The following RPS6KC1 variants were observed in gnomAD, a reference collection of about 807,000 sequenced individuals.
RPS6KC1 encodes ribosomal protein S6 kinase C1.
RPS6KC1 carries 54 observed loss-of-function variants against 103.8 expected under a neutral mutation model. The ratio of observed to expected loss-of-function variants is 0.52; its 90% CI spans 0.42 to 0.65. RPS6KC1 has a LOEUF of 0.65. Among genes scored for constraint, RPS6KC1 ranks in the 30% least tolerant of loss-of-function variants. The pLI is 0.00. For synonymous variants in RPS6KC1, 439 were observed against 438.7 expected (o/e 1.00, Z -0.01); for missense variants, 1,151 against 1,253.8 (o/e 0.92, Z 1.24).
intron 8 of RPS6KC1, among the ~76,000 whole-genome samples, chr1:213,214,059 G>T: frequency 6.6e-6 from 1 of 152,176 alleles, no homozygotes; most frequent in East Asian, 1.9e-4. Flanking sequence ...CACCGAGCAT[G>T]AGCCGAAGCA....
the RPS6KC1 span, among the ~76,000 whole-genome samples, chr1:213,633,868 G>C: frequency 1.3e-4 from 5 of 39,050 alleles, no homozygotes; most frequent in Non-Finnish European, 2.4e-4. Flanking sequence ...CCAAGCAAAT[G>C]GAAAGCAAAA....
At chr1:213,756,504 C>G in the RPS6KC1 span, among the ~76,000 whole-genome samples, 12 of 152,030 alleles carry the variant, frequency 7.9e-5, no homozygotes, top group Non-Finnish European at 1.6e-4. Flanking sequence ...TTGTGGCAAC[C>G]CTGTGTTGAA....
At chr1:213,328,526 A>ATATATC in the RPS6KC1 span, among the ~76,000 whole-genome samples, 1 of 94,336 alleles carries the variant, frequency 1.1e-5, no homozygotes, top group Non-Finnish European at 2.2e-5. Context: ...ATATATATAT[A>ATATATC]TATATATATA....
chr1:213,364,449 G>A, the RPS6KC1 span, among the ~76,000 whole-genome samples: 1 of 152,202 alleles, frequency 6.6e-6, no homozygotes, highest in African/African-American at 2.4e-5. Context: ...GAAGAGGTCA[G>A]AGAAGACTGG....
the RPS6KC1 span, among the ~76,000 whole-genome samples, chr1:213,452,960 A>G: frequency 6.6e-6 from 1 of 152,158 alleles, no homozygotes; most frequent in East Asian, 1.9e-4. Flanking sequence ...CAATCTGTCC[A>G]TGGATTACTA....
chr1:213,602,136 T>TCTCTCTCTCTC, the RPS6KC1 span, among the ~76,000 whole-genome samples: 137 of 73,466 alleles, frequency 1.9e-3, 2 homozygotes, highest in Non-Finnish European at 2.7e-3. Context: ...CTTTCTTTCT[T>TCTCTCTCTCTC]TCTTTCTTTC....
chr1:213,055,149 G>A (rs1176455103), intron 1 of RPS6KC1, among the ~76,000 whole-genome samples: 1 of 152,136 alleles, frequency 6.6e-6, no homozygotes, highest in East Asian at 1.9e-4. Flanking sequence ...TTTGACAAAT[G>A]TATACAGTTG....
chr1:213,482,589 G>T, the RPS6KC1 span, among the ~76,000 whole-genome samples: 2 of 94,206 alleles, frequency 2.1e-5, no homozygotes, highest in African/African-American at 8.1e-5. Context: ...TTGCTCTGTT[G>T]CCAGGCTGGA....
At chr1:213,152,272 C>T (rs187616824) in intron 6 of RPS6KC1, among the ~76,000 whole-genome samples, 6,170 of 143,038 alleles carry the variant, frequency 0.043, 222 homozygotes, top group African/African-American at 0.095. Context: ...GCTGGCCTGG[C>T]GGGGGGCTGA....
intron 3 of RPS6KC1, among the ~76,000 whole-genome samples, chr1:213,083,392 A>G (rs887799973): frequency 2.6e-5 from 4 of 152,130 alleles, no homozygotes; most frequent in Non-Finnish European, 5.9e-5. Context: ...GGACCCATTG[A>G]CTTCTTTGGG....
chr1:213,818,521 T>C, the RPS6KC1 span: 1 of 152,238 alleles, frequency 6.6e-6, no homozygotes, highest in African/African-American at 2.4e-5. Context: ...CCCATTTTAT[T>C]GCGGTATTAG....
chr1:213,216,008 G>A (rs1016339949), intron 8 of RPS6KC1, among the ~76,000 whole-genome samples: 3 of 152,124 alleles, frequency 2.0e-5, no homozygotes, highest in African/African-American at 4.8e-5. Context: ...ATAATGACAG[G>A]ATCAAATTCA....
the RPS6KC1 span, among the ~76,000 whole-genome samples, chr1:213,589,438 G>C: frequency 6.6e-6 from 1 of 152,196 alleles, no homozygotes; most frequent in South Asian, 2.1e-4. Context: ...TCAGGAGTTT[G>C]AGACCAGTCT....
chr1:213,084,633 T>TAAA (rs1393834112), intron 3 of RPS6KC1, among the ~76,000 whole-genome samples: 2 of 152,348 alleles, frequency 1.3e-5, no homozygotes, highest in African/African-American at 4.8e-5. Flanking sequence ...GTTGACCTTT[T>TAAA]AATATCATTT....
the RPS6KC1 span, among the ~76,000 whole-genome samples, chr1:213,577,938 G>A: frequency 2.0e-5 from 3 of 152,340 alleles, no homozygotes; most frequent in East Asian, 1.9e-4. Flanking sequence ...ACGAGGAGCC[G>A]AATGTTATTC....
At chr1:213,546,291 C>T in the RPS6KC1 span, 1 of 152,292 alleles carries the variant, frequency 6.6e-6, no homozygotes, top group Non-Finnish European at 1.5e-5. Flanking sequence ...AGGCACAAAG[C>T]TGATCATTCA....
At chr1:213,057,523 T>G (rs1267119653) in intron 1 of RPS6KC1, among the ~76,000 whole-genome samples, 1 of 152,146 alleles carries the variant, frequency 6.6e-6, no homozygotes, top group Non-Finnish European at 1.5e-5. Flanking sequence ...CAGCGATCTA[T>G]CTATACTACT....
rs141541042 is a variant in RPS6KC1 at position 213,167,489 on chromosome 1, C to CACACACACACACACAA, written c.836-368_836-367insCACACACACACACAAA. Among the ~76,000 whole-genome samples, 124 of 126,170 alleles carry CACACACACACACACAA rather than the reference C, an allele frequency of 9.8e-4. 2 individuals are homozygous for CACACACACACACACAA. The highest frequency in any genetic ancestry group is 3.2e-3 in the African/African-American group (85 of 26,256). 82.8% of individuals were successfully genotyped at this position (126,170 alleles called of 152,430 possible). A position where few individuals can be genotyped will look rare whatever the true frequency, so the allele number is the denominator to read the frequency against. On this transcript the variant is annotated intron_variant, in intron 6 of 14. Coordinates refer to ENST00000366960, the MANE Select transcript of RPS6KC1 (RefSeq NM_012424.6). ...ACACACACACACACACACACACACA[C>CACACACACACACACAA]AACAGCTGTTGCATTTGGTCCTATT... is the stretch of plus-strand genomic sequence containing the variant.
chr1:213,168,514 T>G (rs1387589888), intron 7 of RPS6KC1, among the ~76,000 whole-genome samples: 1 of 151,960 alleles, frequency 6.6e-6, no homozygotes. Context: ...TGTATCGACC[T>G]GGATTTGGCA....
Sources: gnomAD v4.1 joint callset for allele counts (sites outside exome capture counted in the v4.1 genomes callset) on GRCh38, gnomAD v4.1.1 for gene constraint, MANE v1.5 for transcripts, NCBI Gene and HGNC (gene_info 2026-07-23, HGNC 2026-07-21) for gene names.